The following RB1 variants were observed in gnomAD, a reference collection of about 807,000 sequenced individuals.
RB1 encodes the protein RB transcriptional corepressor 1, also known as retinoblastoma-associated protein.
RB1 carries 18 observed loss-of-function variants against 135.4 expected under a neutral mutation model. The observed-to-expected ratio is 0.13, with a 90% CI of 0.09 to 0.20. The LOEUF is 0.20. Ranked by LOEUF, RB1 falls within the 10% of genes least tolerant of loss-of-function variation. The probability of loss-of-function intolerance (pLI) is 1.00; values close to 1 mark genes in which losing one functional copy is unlikely to be tolerated. For missense variants in RB1, 868 were observed against 1,110.0 expected (o/e 0.78, Z 3.10); for synonymous variants, 365 against 373.2 (o/e 0.98, Z 0.25).
intron 11 of RB1, among the ~76,000 whole-genome samples, chr13:48,371,942 T>C (rs531472086): frequency 6.6e-6 from 1 of 152,298 alleles, no homozygotes; most frequent in East Asian, 1.9e-4. Flanking sequence ...CATAGGTGCA[T>C]GAACCTTATT....
chr13:48,432,354 A>G (rs1224620678), intron 17 of RB1, among the ~76,000 whole-genome samples: 2 of 152,030 alleles, frequency 1.3e-5, no homozygotes, highest in African/African-American at 4.8e-5. Flanking sequence ...ACTTGGTAAG[A>G]TTCTACATTT....
chr13:48,432,291 G>A (rs1463028378), intron 17 of RB1, among the ~76,000 whole-genome samples: 3 of 152,054 alleles, frequency 2.0e-5, no homozygotes, highest in Non-Finnish European at 4.4e-5. Flanking sequence ...CACTCACCAT[G>A]TTCATGTCCC....
intron 2 of RB1, among the ~76,000 whole-genome samples, chr13:48,324,682 A>G (rs934964148): frequency 6.6e-6 from 1 of 152,184 alleles, no homozygotes; most frequent in African/African-American, 2.4e-5. Flanking sequence ...GGGAATGCAG[A>G]TATCTCTTTG....
intron 26 of RB1, among the ~76,000 whole-genome samples, chr13:48,478,508 C>A (rs1003354375): frequency 6.6e-6 from 1 of 152,244 alleles, no homozygotes; most frequent in Non-Finnish European, 1.5e-5. Flanking sequence ...TTGGAACCCA[C>A]AAATATGCAC....
chr13:48,306,731 A>T (rs1952083993), intron 1 of RB1, among the ~76,000 whole-genome samples: 1 of 152,258 alleles, frequency 6.6e-6, no homozygotes, highest in Admixed American at 6.5e-5. Flanking sequence ...TTAGTAGATA[A>T]CACATAGAAA....
chr13:48,312,489 A>G (rs753735982), intron 2 of RB1, among the ~76,000 whole-genome samples: 1 of 152,160 alleles, frequency 6.6e-6, no homozygotes, highest in Non-Finnish European at 1.5e-5. Context: ...GGTGGGAGCA[A>G]TACTCTTTGC....
chr13:48,479,669 T>G (rs1776073231), intron 26 of RB1, among the ~76,000 whole-genome samples: 1 of 152,112 alleles, frequency 6.6e-6, no homozygotes, highest in African/African-American at 2.4e-5. Flanking sequence ...TTTTTTTAAT[T>G]GATATATCAT....
At chr13:48,465,431 T>A in intron 23 of RB1, 63 bp downstream of exon 23, 1 of 1,426,434 alleles carries the variant, frequency 7.0e-7, no homozygotes. Flanking sequence ...GATCCAAGAA[T>A]AAAAAATATA....
intron 23 of RB1, among the ~76,000 whole-genome samples, chr13:48,471,384 G>C (rs1243707087): frequency 2.5e-5 from 2 of 80,046 alleles, no homozygotes; most frequent in African/African-American, 9.1e-5. Context: ...CACAGGAAGG[G>C]GAATATCACA....
At chr13:48,377,353 A>G (rs1952838177) in intron 13 of RB1, among the ~76,000 whole-genome samples, 1 of 152,214 alleles carries the variant, frequency 6.6e-6, no homozygotes. Context: ...ATGACTGTTC[A>G]TGTATGCATA....
At chr13:48,364,760 A>G (rs1952677575) in intron 8 of RB1, 134 bp from the exon 9 acceptor site, 2 of 1,037,474 alleles carry the variant, frequency 1.9e-6, no homozygotes, top group Non-Finnish European at 2.6e-6. Context: ...ATAATAAAAA[A>G]TAAAAAAGTT....
chr13:48,355,766 C>A (rs572364841), intron 6 of RB1, among the ~76,000 whole-genome samples: 1 of 152,000 alleles, frequency 6.6e-6, no homozygotes, highest in South Asian at 2.1e-4. Context: ...TAGTCATTTG[C>A]GACAACATAG....
rs1166954079 is a variant in RB1, at chr13:48,318,236, G to A, written c.264+10830G>A. Reference sequence around the variant, plus strand: ...TGTCTCTCTTGGACTTGGAGAGTCAGCTATTAAGCACCGGCGGGCTTCTGT... The same window carrying A: ...TGTCTCTCTTGGACTTGGAGAGTCAACTATTAAGCACCGGCGGGCTTCTGT... On this transcript the variant is annotated intron_variant, in intron 2 of 26. Transcript: ENST00000267163. 29 of 682,666 alleles carry A rather than the reference G, an allele frequency of 4.2e-5. No homozygotes were observed. The East Asian group carries it at 6.5e-4, about 15-fold the overall frequency. 42.3% of individuals were successfully genotyped at this position (682,666 alleles called of 1,614,324 possible). A position where few individuals can be genotyped will look rare whatever the true frequency, so the allele number is the denominator to read the frequency against.
chr13:48,323,170 T>A (rs868144885), intron 2 of RB1, among the ~76,000 whole-genome samples: 1 of 152,250 alleles, frequency 6.6e-6, no homozygotes, highest in African/African-American at 2.4e-5. Context: ...CTGTGGAAAG[T>A]TTCAAAATTA....
At chr13:48,343,481 G>T (rs1186748507) in intron 3 of RB1, among the ~76,000 whole-genome samples, 4 of 152,090 alleles carry the variant, frequency 2.6e-5, no homozygotes, top group Non-Finnish European at 4.4e-5. Flanking sequence ...TAAATAAAAT[G>T]TGGAAACAAA....
chr13:48,359,880 AAAAG>A (rs1376286701), intron 6 of RB1, 133 bp from the exon 7 acceptor site: 14 of 1,340,826 alleles, frequency 1.0e-5, no homozygotes, highest in East Asian at 7.8e-5. Flanking sequence ...TTTTACAAAA[AAAAG>A]AAAGAAAATC....
intron 24 of RB1, 75 bp from the exon 25 acceptor site, chr13:48,476,626 A>G: frequency 6.6e-7 from 1 of 1,506,006 alleles, no homozygotes; most frequent in Non-Finnish European, 9.2e-7. Context: ...ACACACCTCA[A>G]ACTATAACTT....
intron 17 of RB1, among the ~76,000 whole-genome samples, chr13:48,449,191 G>T (rs558461546): frequency 2.0e-5 from 3 of 151,396 alleles, no homozygotes; most frequent in African/African-American, 7.3e-5. Flanking sequence ...TTTTGTTTTG[G>T]CATATTTATA....
chr13:48,406,110 G>GTGTA (rs1948737573), intron 17 of RB1, among the ~76,000 whole-genome samples: 2 of 151,674 alleles, frequency 1.3e-5, no homozygotes, highest in African/African-American at 4.8e-5. Context: ...GTGTGTGTGT[G>GTGTA]TGTATGTATG....
Sources: gnomAD v4.1 joint callset for allele counts (sites outside exome capture counted in the v4.1 genomes callset) on GRCh38, gnomAD v4.1.1 for gene constraint, MANE v1.5 for transcripts, NCBI Gene and HGNC (gene_info 2026-07-23, HGNC 2026-07-21) for gene names.